The following DDX10 variants were observed in gnomAD, a reference collection of about 807,000 sequenced individuals.
The protein encoded by DDX10 is DEAD-box helicase 10, also known as probable ATP-dependent RNA helicase DDX10.
A neutral mutation model predicts 104.3 loss-of-function variants in DDX10; 74 were observed. The observed-to-expected ratio is 0.71, with a 90% CI of 0.59 to 0.86. The LOEUF (loss-of-function observed/expected upper bound fraction) is 0.86. Among genes scored for constraint, DDX10 ranks in the 40% least tolerant of loss-of-function variants. The probability of loss-of-function intolerance (pLI) is 0.00; values close to 1 mark genes in which losing one functional copy is unlikely to be tolerated. For missense variants in DDX10, 952 were observed against 1,040.0 expected (o/e 0.92, Z 1.16); for synonymous variants, 351 against 353.4 (o/e 0.99, Z 0.08).
intron 6 of DDX10, among the ~76,000 whole-genome samples, chr11:108,685,303 G>A (rs965246790): frequency 2.7e-5 from 4 of 150,792 alleles, no homozygotes; most frequent in African/African-American, 7.3e-5. Flanking sequence ...TTCCAGGTGC[G>A]TCCGTCACCC....
At chr11:108,775,412 A>G (rs574494941) in intron 13 of DDX10, among the ~76,000 whole-genome samples, 1 of 152,316 alleles carries the variant, frequency 6.6e-6, no homozygotes, top group East Asian at 1.9e-4. Flanking sequence ...CGTCTGTTCA[A>G]TTTGGGAGTT....
At chr11:108,810,995 A>G (rs1862172374) in intron 13 of DDX10, among the ~76,000 whole-genome samples, 1 of 152,184 alleles carries the variant, frequency 6.6e-6, no homozygotes, top group African/African-American at 2.4e-5. Context: ...TTCCTTGTCT[A>G]TCTCCAGTGG....
intron 17 of DDX10, chr11:108,919,984 C>G (rs1863802062): frequency 1.3e-5 from 2 of 151,672 alleles, no homozygotes; most frequent in Non-Finnish European, 2.9e-5. Context: ...CACTTAACTG[C>G]TCTAGCCTCA....
chr11:108,906,990 G>T (rs1345457738), intron 16 of DDX10, among the ~76,000 whole-genome samples: 1 of 152,328 alleles, frequency 6.6e-6, no homozygotes, highest in African/African-American at 2.4e-5. Flanking sequence ...CACCCAGGAA[G>T]TGTGCAGTAA....
At chr11:108,887,073 T>C (rs1214744202) in intron 16 of DDX10, among the ~76,000 whole-genome samples, 1 of 152,218 alleles carries the variant, frequency 6.6e-6, no homozygotes, top group Non-Finnish European at 1.5e-5. Context: ...AGAAATGGAA[T>C]AATTAACTCC....
intron 13 of DDX10, among the ~76,000 whole-genome samples, chr11:108,777,787 A>G (rs2094372067): frequency 6.6e-6 from 1 of 152,224 alleles, no homozygotes; most frequent in South Asian, 2.1e-4. Context: ...TTGTATGTTT[A>G]GAAAACCTCA....
In DDX10 at chr11:108,898,797, G is replaced by A. The variant is rs550939324; in HGVS notation, c.2305-19076G>A. Among the ~76,000 whole-genome samples, 13 of 152,222 alleles carry A rather than the reference G, an allele frequency of 8.5e-5. No individual in the cohort carries two copies. The East Asian group carries it at 1.7e-3, about 20-fold the overall frequency. On this transcript the variant is annotated intron_variant, in intron 16 of 17. Transcript: ENST00000322536. ...GGCTCTAGGTTCACTTGAATGTGGCGTCCAGAAGAGCAGAGGGGCTTTGGT... is the reference window on the plus strand; with the variant it reads ...GGCTCTAGGTTCACTTGAATGTGGCATCCAGAAGAGCAGAGGGGCTTTGGT...
At chr11:108,863,136 A>C (rs1306432439) in intron 16 of DDX10, among the ~76,000 whole-genome samples, 1 of 152,176 alleles carries the variant, frequency 6.6e-6, no homozygotes, top group African/African-American at 2.4e-5. Context: ...CACCATCTAC[A>C]GTCTAAAGGT....
At chr11:108,845,131 C>T (rs967622578) in intron 15 of DDX10, among the ~76,000 whole-genome samples, 2 of 152,064 alleles carry the variant, frequency 1.3e-5, no homozygotes, top group African/African-American at 2.4e-5. Context: ...TGGCATGAAC[C>T]CGGGAGGCGG....
At chr11:108,927,499 A>C (rs1212842387) in intron 17 of DDX10, among the ~76,000 whole-genome samples, 1 of 152,202 alleles carries the variant, frequency 6.6e-6, no homozygotes, top group Non-Finnish European at 1.5e-5. Context: ...CATCCTTGGA[A>C]GTTTAGTGCT....
Position 108,679,445 on chromosome 11 carries a change from A to C in DDX10, c.733A>C (p.Lys245Gln). 1.2e-6 allele frequency: 2 copies of C among 1,613,650 alleles called. No homozygotes were observed. The highest frequency in any genetic ancestry group is 3.4e-4 in the Middle Eastern group (2 of 5,868). ...GAATGCTGTTATTGAAAATCTCCCCAAGAAACGTCAGACTTTACTTTTCTC... is the reference window on the plus strand; with the variant it reads ...GAATGCTGTTATTGAAAATCTCCCCCAGAAACGTCAGACTTTACTTTTCTC... ...TMNAVIENLP[K>Q]KRQTLLFSAT... Residue 245 changes from lysine to glutamine, a missense_variant, in exon 6 of 18, where the codon AAG (lysine) becomes CAG (glutamine). Lys to Gln is a moderately conservative substitution (Grantham distance 53). Transcript: ENST00000322536.
At chr11:108,745,056 C>T (rs1737343817) in intron 13 of DDX10, among the ~76,000 whole-genome samples, 1 of 98,162 alleles carries the variant, frequency 1.0e-5, no homozygotes, top group African/African-American at 4.0e-5. Context: ...CTTCCCCCTT[C>T]CCCCTTCCCC....
At chr11:108,687,131 G>A (rs2094245386) in intron 6 of DDX10, among the ~76,000 whole-genome samples, 2 of 152,172 alleles carry the variant, frequency 1.3e-5, no homozygotes, top group African/African-American at 4.8e-5. Flanking sequence ...CTTCCAAAAT[G>A]GCAGTATCAT....
intron 9 of DDX10, among the ~76,000 whole-genome samples, chr11:108,695,877 A>G (rs1310873038): frequency 3.9e-5 from 6 of 152,072 alleles, no homozygotes; most frequent in African/African-American, 9.7e-5. Flanking sequence ...AGCATGAAAG[A>G]AGGGAGAGAA....
chr11:108,708,592 G>C (rs2094279870), intron 10 of DDX10, among the ~76,000 whole-genome samples: 1 of 143,698 alleles, frequency 7.0e-6, no homozygotes, highest in East Asian at 2.0e-4. Context: ...TTTTGAGACA[G>C]AGTCTTGCTC....
In DDX10 at chr11:108,687,557, T is replaced by A. The variant is rs188932813; in HGVS notation, c.849-1379T>A. Among the ~76,000 whole-genome samples, 553 of 152,302 alleles carry A rather than the reference T, an allele frequency of 3.6e-3. 11 individuals are homozygous for A. The highest frequency in any genetic ancestry group is 2.1e-3 in the Non-Finnish European group (145 of 68,016). ...CATCTTTTCATATGGTTATTTTTTT[T>A]ATCTACATATCCTCTTTGGAGAGGT... On this transcript the variant is annotated intron_variant, in intron 6 of 17. Transcript: ENST00000322536.
Position 108,826,578 on chromosome 11 carries a change from T to A in DDX10, c.1966-11868T>A, listed in dbSNP as rs1353191352. On this transcript the variant is annotated intron_variant, in intron 13 of 17. Transcript: ENST00000322536. ...GAAGAGTGTCTTACACCTTTCTGGG[T>A]CTCTTTATTTGCAGATAGGAGTAGA... 2.0e-5 allele frequency among the ~76,000 whole-genome samples: 3 copies of A among 152,302 alleles called. No homozygotes were observed. The East Asian group carries it at 5.8e-4, about 29-fold the overall frequency.
At chr11:108,887,685 C>T (rs1863317345) in intron 16 of DDX10, among the ~76,000 whole-genome samples, 1 of 151,956 alleles carries the variant, frequency 6.6e-6, no homozygotes, top group African/African-American at 2.4e-5. Flanking sequence ...GAGGCCAAGG[C>T]GGGTGGTTCA....
chr11:108,683,080 G>A lies in DDX10; in HGVS notation c.848+3520G>A, dbSNP rs536776764. On this transcript the variant is annotated intron_variant, in intron 6 of 17. Transcript: ENST00000322536. The stretch of plus-strand genomic sequence containing the variant: ...TTATCCTATTTCTGGTTTGTCCTGA[G>A]ACTTGGGGTATAATCTTCACAGATG... Among the ~76,000 whole-genome samples, 103 of 152,262 alleles carry A rather than the reference G, an allele frequency of 6.8e-4. 1 individual carries two copies. The South Asian group carries it at 0.021, about 31-fold the overall frequency.
Sources: gnomAD v4.1 joint callset for allele counts (sites outside exome capture counted in the v4.1 genomes callset) on GRCh38, gnomAD v4.1.1 for gene constraint, MANE v1.5 for transcripts, NCBI Gene and HGNC (gene_info 2026-07-23, HGNC 2026-07-21) for gene names.